The following INTS10 variants were observed in gnomAD, a reference collection of about 807,000 sequenced individuals.
INTS10 encodes chromosome 8 open reading frame 35.
In INTS10, 44 loss-of-function variants were observed where a neutral mutation model predicts 94.4. That is an observed-to-expected ratio of 0.47 (90% CI 0.37 to 0.60). The LOEUF (loss-of-function observed/expected upper bound fraction) is 0.60. Among genes scored for constraint, INTS10 ranks in the 20% least tolerant of loss-of-function variants. The pLI is 0.00. For synonymous variants in INTS10, 341 were observed against 320.7 expected (o/e 1.06, Z -0.68); for missense variants, 797 against 868.7 (o/e 0.92, Z 1.04).
chr8:19,841,718 C>A (rs145485078), intron 13 of INTS10: 2 of 419,660 alleles, frequency 4.8e-6, no homozygotes, highest in Non-Finnish European at 9.5e-6. Context: ...TGGAAACCAA[C>A]TTCCCATGAC....
chr8:19,836,400 G>A (rs1206105476), intron 12 of INTS10, among the ~76,000 whole-genome samples: 2 of 152,138 alleles, frequency 1.3e-5, no homozygotes, highest in Admixed American at 6.5e-5. Context: ...AGAGGCACTC[G>A]AGGCTCCTCT....
rs2068502259 is a variant in INTS10 at position 19,845,533 on chromosome 8, C to T, written c.1883-171C>T. On this transcript the variant is annotated intron_variant, in intron 15 of 16. Coordinates refer to ENST00000397977, the MANE Select transcript of INTS10 (RefSeq NM_018142.4). ...ATGGAGTCTGCAGTTAGTGGGGTAG[C>T]AATGGGCAAGTTACTCAACTGCCAA... 2.8e-5 allele frequency: 17 copies of T among 606,018 alleles called. No individual in the cohort carries two copies. The South Asian group carries it at 3.3e-4, about 12-fold the overall frequency. The allele number at this position is 606,018 out of a possible 1,614,324, so 37.5% of individuals were successfully genotyped here. A position where few individuals can be genotyped will look rare whatever the true frequency, so the allele number is the denominator to read the frequency against.
intron 11 of INTS10, among the ~76,000 whole-genome samples, chr8:19,832,613 T>G (rs1356632168): frequency 6.6e-6 from 1 of 152,114 alleles, no homozygotes; most frequent in African/African-American, 2.4e-5. Flanking sequence ...GCCTGTACCT[T>G]CTGTGTTACT....
intron 12 of INTS10, among the ~76,000 whole-genome samples, chr8:19,836,476 A>G (rs2067672636): frequency 6.6e-6 from 1 of 152,110 alleles, no homozygotes; most frequent in African/African-American, 2.4e-5. Context: ...CCCTCAAGTA[A>G]ATCACCTAAA....
rs550442750 is a variant in INTS10, at chr8:19,841,313, G to C, written c.1640-1535G>C. On this transcript the variant is annotated intron_variant, in intron 13 of 16. Transcript: ENST00000397977. ...AGAAAATTTAAAAATAGAAAGATTA[G>C]TAAATTTGATCACATTAAAATTAAA... Among the ~76,000 whole-genome samples, 16 of 152,252 alleles carry C rather than the reference G, an allele frequency of 1.1e-4. No homozygotes were observed. In the South Asian group the frequency reaches 3.1e-3, roughly 30 times the overall value.
rs1563417915 is a variant in INTS10 at position 19,837,058 on chromosome 8, T to C, written c.1537T>C (p.Cys513Arg). Residue 513 changes from cysteine to arginine, a missense_variant, in exon 13 of 17, where the codon TGT (cysteine) becomes CGT (arginine). Physicochemically the swap from Cys to Arg is radical, Grantham distance 180 (BLOSUM62 -3). Transcript: ENST00000397977. ...HFALGEYRMT[C>R]EKVLDLMCYM... The stretch of plus-strand genomic sequence containing the variant: ...TTGGTCTTTTCTGCTTTAGATGACA[T>C]GTGAAAAAGTCCTTGATTTGATGTG... 1 of 1,607,130 alleles carries C rather than the reference T, an allele frequency of 6.2e-7. No individual in the cohort carries two copies. Among genetic ancestry groups the C allele is most frequent in the Non-Finnish European group, 8.5e-7 (1 of 1,173,652 alleles).
intron 4 of INTS10, chr8:19,820,848 G>GT (rs933596323): frequency 3.7e-4 from 68 of 183,270 alleles, no homozygotes; most frequent in African/African-American, 1.6e-3. Flanking sequence ...TAACAGATGC[G>GT]TTTTTCCTGT....
In INTS10 at chr8:19,820,439, A is replaced by T. The variant is rs761677689; in HGVS notation, c.362A>T (p.Gln121Leu). 1.4e-5 allele frequency: 22 copies of T among 1,613,648 alleles called. No individual in the cohort carries two copies. Among genetic ancestry groups the T allele is most frequent in the Non-Finnish European group, 1.8e-5 (21 of 1,179,652 alleles). Residue 121 changes from glutamine to leucine, a missense_variant, in exon 4 of 17, where the codon CAA (glutamine) becomes CTA (leucine). Coordinates refer to ENST00000397977, the MANE Select transcript of INTS10 (RefSeq NM_018142.4). ...QCEMLLKVTE[Q>L]CFNTLERSEM... The stretch of plus-strand genomic sequence containing the variant: ...GAAATGTTACTAAAGGTCACGGAAC[A>T]ATGCTTCAACACGTTAGAACGATCA...
Position 19,851,668 on chromosome 8 carries a change from G to A in INTS10, c.1996G>A (p.Gly666Ser). ...CCTCAGGCACCACACTGTAACTCGA[G>A]GCATCACCAAAGGCGTGAAGGAGGA... ...MLIKHHTVTR[G>S]ITKGVKEDFR... is the part of the protein sequence containing the mutation. Residue 666 changes from glycine to serine, a missense_variant, in exon 17 of 17, where the codon GGC becomes AGC. Physicochemically the swap from Gly to Ser is moderately conservative, Grantham distance 56 (BLOSUM62 0). This residue lies in a region of INTS10 where 16 missense variants were observed against 39.1 expected (regional missense o/e 0.41). Transcript: ENST00000397977. This position sits in a 1 kb window ranked among gnomAD's most constrained non-coding sequence, Gnocchi z 5.0. The A allele has an allele frequency of 6.2e-7, 1 of 1,614,156 alleles. No individual in the cohort carries two copies. Among genetic ancestry groups the A allele is most frequent in the Non-Finnish European group, 8.5e-7 (1 of 1,180,034 alleles).
chr8:19,851,528 T>C lies in INTS10; in HGVS notation c.1977-121T>C, dbSNP rs2069032512. 1.1e-6 allele frequency: 1 copy of C among 910,284 alleles called. No homozygotes were observed. The highest frequency in any genetic ancestry group is 1.7e-5 in the African/African-American group (1 of 59,698). 56.4% of individuals were successfully genotyped at this position (910,284 alleles called of 1,614,324 possible). A position where few individuals can be genotyped will look rare whatever the true frequency, so the allele number is the denominator to read the frequency against. ...TGGTTGCAGCTATTCTTGTGTTCTT[T>C]TTAAAATATCTGAAATTATACTTAG... is the stretch of plus-strand genomic sequence containing the variant. On this transcript the variant is annotated intron_variant, in intron 16 of 16. Coordinates refer to ENST00000397977, the MANE Select transcript of INTS10 (RefSeq NM_018142.4). The surrounding 1 kb of genome is among the most constrained non-coding windows in gnomAD (Gnocchi z 5.0).
At chr8:19,828,897 A>G (rs143285348) in intron 9 of INTS10, among the ~76,000 whole-genome samples, 15 of 152,206 alleles carry the variant, frequency 9.9e-5, no homozygotes, top group East Asian at 1.9e-4. Context: ...GTTTTTCCCA[A>G]TGCAAAAACA....
intron 11 of INTS10, 130 bp from the exon 12 acceptor site, chr8:19,833,039 A>G (rs1173246723): frequency 1.2e-5 from 8 of 658,970 alleles, no homozygotes; most frequent in Middle Eastern, 6.1e-4. Flanking sequence ...TCTTCCTCAG[A>G]TGATCAAACC....
At chr8:19,821,647 T>C (rs1168926844) in intron 4 of INTS10, 1 of 152,098 alleles carries the variant, frequency 6.6e-6, no homozygotes, top group African/African-American at 2.4e-5. Context: ...AGGGCCTTTC[T>C]AATCCACCAT....
intron 11 of INTS10, 120 bp from the exon 12 acceptor site, chr8:19,833,049 C>A (rs2067359993): frequency 2.6e-6 from 2 of 763,028 alleles, no homozygotes; most frequent in Non-Finnish European, 3.9e-6. Flanking sequence ...ATGATCAAAC[C>A]AAGCTACCGT....
chr8:19,820,304 T>C, intron 3 of INTS10, 75 bp from the exon 4 acceptor site: 1 of 1,413,138 alleles, frequency 7.1e-7, no homozygotes, highest in Non-Finnish European at 9.7e-7. Flanking sequence ...TACATGAAAA[T>C]GCCTTACTCA....
intron 6 of INTS10, 102 bp downstream of exon 6, chr8:19,823,543 C>T: frequency 1.2e-6 from 1 of 854,904 alleles, no homozygotes; most frequent in South Asian, 1.5e-5. Context: ...GGATACTTAC[C>T]AGTTTGGGAG....
rs1038466699 is a variant in INTS10, at chr8:19,817,473, C to T, written c.-65C>T. ...GCGGCGGCGGCGGTGGCTGCCGTGG[C>T]GGCTGAGAGTCCAGAGCCGGACGTT... is the stretch of plus-strand genomic sequence containing the variant. On this transcript the variant is annotated 5_prime_UTR_variant, in exon 1 of 17. Coordinates refer to ENST00000397977, the MANE Select transcript of INTS10 (RefSeq NM_018142.4). 1.3e-6 allele frequency: 2 copies of T among 1,553,158 alleles called. No homozygotes were observed. The highest frequency in any genetic ancestry group is 8.7e-7 in the Non-Finnish European group (1 of 1,152,946).
chr8:19,836,673 C>A (rs535363381), intron 12 of INTS10, among the ~76,000 whole-genome samples: 187 of 152,322 alleles, frequency 1.2e-3, no homozygotes, highest in African/African-American at 4.4e-3. Flanking sequence ...ACTCCTTAGA[C>A]CTCTGCTACA....
rs2068627888 is a variant in INTS10 at position 19,846,890 on chromosome 8, T to TA, written c.1976+1094dup. Among the ~76,000 whole-genome samples, 1 of 152,218 alleles carries TA rather than the reference T, an allele frequency of 6.6e-6. No homozygotes were observed. The highest frequency in any genetic ancestry group is 2.1e-4 in the South Asian group (1 of 4,836). On this transcript the variant is annotated intron_variant, in intron 16 of 16. Transcript: ENST00000397977. The surrounding 1 kb of genome is among the most constrained non-coding windows in gnomAD (Gnocchi z 4.2). ...ATTCAGTGTGTCTGTAAGTCAGTGT[T>TA]AGAGTTTCTGCAAGAGACTGAATCC...
Sources: allele counts gnomAD v4.1 joint callset (sites outside exome capture counted in the v4.1 genomes callset), GRCh38; gene constraint gnomAD v4.1.1; regional missense constraint gnomAD v4.1.1; non-coding constraint Gnocchi (gnomAD v3.1); transcripts MANE v1.5; gene names NCBI Gene and HGNC (gene_info 2026-07-23, HGNC 2026-07-21).